The following RABGAP1 variants were observed in gnomAD, a reference collection of about 807,000 sequenced individuals.
RABGAP1 encodes the protein rab GTPase-activating protein 1.
Under a neutral mutation model 137.6 loss-of-function variants are expected in RABGAP1, and 23 were observed. The observed-to-expected ratio is 0.17, with a 90% CI of 0.12 to 0.24. The LOEUF is 0.24. RABGAP1 is among the 10% of genes least tolerant of loss of function. RABGAP1 has a pLI of 1.00. For synonymous variants in RABGAP1, 451 were observed against 450.7 expected, an observed-to-expected ratio of 1.00 and a Z score of -0.01; for missense variants, 906 against 1,275.8, an observed-to-expected ratio of 0.71 and a Z score of 4.42.
chr9:123,001,013 C>T (rs1837297831), intron 10 of RABGAP1, among the ~76,000 whole-genome samples: 1 of 151,960 alleles, frequency 6.6e-6, no homozygotes, highest in Non-Finnish European at 1.5e-5. Flanking sequence ...CACTGTGCCT[C>T]ACCTTATTTT....
At chr9:123,079,430 C>G (rs989268512) in intron 19 of RABGAP1, among the ~76,000 whole-genome samples, 1 of 151,640 alleles carries the variant, frequency 6.6e-6, no homozygotes, top group Non-Finnish European at 1.5e-5. Context: ...GTAGAGACAG[C>G]GTTTCGCCAT....
chr9:122,973,600 T>C (rs986533485), intron 2 of RABGAP1, among the ~76,000 whole-genome samples: 1 of 152,224 alleles, frequency 6.6e-6, no homozygotes, highest in Admixed American at 6.5e-5. Context: ...TAATTGACAT[T>C]ATTTAGATGA....
chr9:122,960,163 G>C (rs969848564), intron 2 of RABGAP1, among the ~76,000 whole-genome samples: 1 of 152,174 alleles, frequency 6.6e-6, no homozygotes, highest in African/African-American at 2.4e-5. Context: ...ATTTGCCTGA[G>C]GAAACTAGGG....
At chr9:122,959,363 A>AT (rs1491283004) in intron 2 of RABGAP1, among the ~76,000 whole-genome samples, 3 of 77,222 alleles carry the variant, frequency 3.9e-5, no homozygotes, top group African/African-American at 9.0e-5. Context: ...GTGGGGCTTT[A>AT]CAAAAAAAAA....
chr9:122,944,595 C>T (rs948612395), intron 1 of RABGAP1, among the ~76,000 whole-genome samples: 1 of 151,218 alleles, frequency 6.6e-6, no homozygotes, highest in Admixed American at 6.6e-5. Flanking sequence ...GGCACGATAT[C>T]AGCTCACTGC....
intron 4 of RABGAP1, 105 bp downstream of exon 4, chr9:122,986,524 C>G (rs1392536490): frequency 8.2e-7 from 1 of 1,217,578 alleles, no homozygotes; most frequent in African/African-American, 1.5e-5. Flanking sequence ...AGTTATTTTA[C>G]TTGTGTAACG....
intron 2 of RABGAP1, among the ~76,000 whole-genome samples, chr9:122,977,556 A>G (rs1201677370): frequency 6.6e-6 from 1 of 152,168 alleles, no homozygotes; most frequent in Non-Finnish European, 1.5e-5. Flanking sequence ...AAATACAAAA[A>G]TCAGCTGGGC....
chr9:123,035,282 C>G, intron 13 of RABGAP1: 1 of 1,614,156 alleles, frequency 6.2e-7, no homozygotes, highest in Admixed American at 1.7e-5. Flanking sequence ...AGTGGGGAGA[C>G]TGGGGAAGTG....
At position 122,947,578 on chromosome 9, in the gene RABGAP1, G is replaced by A. The variant is rs984112976; in HGVS notation, c.-50+6485G>A. On this transcript the variant is annotated intron_variant, in intron 1 of 25. Transcript: ENST00000373647. The stretch of plus-strand genomic sequence containing the variant: ...CAATTTCCTGTATTTGTTTAATTCC[G>A]ATATCTTTTTTAGTTAATGTAGAAT... Among the ~76,000 whole-genome samples, 3 of 152,054 alleles carry A rather than the reference G, an allele frequency of 2.0e-5. No homozygotes were observed. In the East Asian group the frequency reaches 5.8e-4, roughly 29 times the overall value.
chr9:123,102,975 A>G, intron 25 of RABGAP1, 116 bp from the exon 26 acceptor site: 2 of 1,346,088 alleles, frequency 1.5e-6, no homozygotes, highest in Non-Finnish European at 9.7e-7. Context: ...GACTGGGGGA[A>G]TTCCCCGAGG....
chr9:122,947,400 A>G (rs542826217), intron 1 of RABGAP1, among the ~76,000 whole-genome samples: 1 of 152,304 alleles, frequency 6.6e-6, no homozygotes, highest in East Asian at 1.9e-4. Context: ...AGGATAGATG[A>G]TGGTGATGGT....
chr9:122,961,114 A>C (rs1554786203), intron 2 of RABGAP1, among the ~76,000 whole-genome samples: 1 of 152,220 alleles, frequency 6.6e-6, no homozygotes, highest in Non-Finnish European at 1.5e-5. Context: ...ATTTTAAGTA[A>C]TAATGTCCAA....
chr9:122,967,782 G>A (rs566843681), intron 2 of RABGAP1, among the ~76,000 whole-genome samples: 162 of 150,330 alleles, frequency 1.1e-3, no homozygotes, highest in African/African-American at 3.8e-3. Context: ...CACTCTTGTT[G>A]CCCAGGCTGG....
intron 2 of RABGAP1, among the ~76,000 whole-genome samples, chr9:122,972,408 G>A (rs970703403): frequency 3.9e-5 from 6 of 152,176 alleles, no homozygotes; most frequent in South Asian, 2.1e-4. Context: ...CTGGTGGGTC[G>A]GGTGGGGACT....
chr9:123,079,396 C>T (rs1487218407), intron 19 of RABGAP1, among the ~76,000 whole-genome samples: 1 of 151,726 alleles, frequency 6.6e-6, no homozygotes, highest in Admixed American at 6.6e-5. Context: ...CACCACCATG[C>T]CCAGCCACTT....
At chr9:122,952,785 A>C (rs1304551537) in intron 1 of RABGAP1, among the ~76,000 whole-genome samples, 1 of 152,134 alleles carries the variant, frequency 6.6e-6, no homozygotes, top group African/African-American at 2.4e-5. Flanking sequence ...CCCTGTTGGT[A>C]ATTGGACTTG....
intron 19 of RABGAP1, among the ~76,000 whole-genome samples, chr9:123,081,930 C>G (rs2034721148): frequency 6.6e-6 from 1 of 152,140 alleles, no homozygotes; most frequent in African/African-American, 2.4e-5. Context: ...CTCTTATGTT[C>G]CCAATGCTTT....
chr9:123,075,425 C>T (rs983681026), intron 17 of RABGAP1, among the ~76,000 whole-genome samples: 3 of 152,078 alleles, frequency 2.0e-5, no homozygotes, highest in Non-Finnish European at 4.4e-5. Context: ...ATGCTATATT[C>T]AAAACATACA....
upstream of RABGAP1, among the ~76,000 whole-genome samples, chr9:122,936,389 G>T (rs1320385715): frequency 6.6e-6 from 1 of 152,158 alleles, no homozygotes; most frequent in Non-Finnish European, 1.5e-5. Flanking sequence ...CTAGACAACA[G>T]TTCTACCAGC....
Sources: gnomAD v4.1 joint callset for allele counts (sites outside exome capture counted in the v4.1 genomes callset) on GRCh38, gnomAD v4.1.1 for gene constraint, MANE v1.5 for transcripts, NCBI Gene and HGNC (gene_info 2026-07-23, HGNC 2026-07-21) for gene names.